LSMEM2: variants seen among roughly 807,000 people sequenced by gnomAD.
LSMEM2 encodes the protein leucine-rich single-pass membrane protein 2.
LSMEM2 carries 20 observed loss-of-function variants against 17.3 expected under a neutral mutation model. The ratio of observed to expected loss-of-function variants is 1.16; its 90% CI spans 0.81 to 1.68. The LOEUF (loss-of-function observed/expected upper bound fraction) is 1.68, where lower values mean the gene tolerates loss of function less well. Ranked by LOEUF, LSMEM2 falls within the 40% of genes most tolerant of loss-of-function variation. The probability of loss-of-function intolerance (pLI) is 0.00; values close to 1 mark genes in which losing one functional copy is unlikely to be tolerated. For missense variants in LSMEM2, 207 were observed against 214.3 expected, an observed-to-expected ratio of 0.97 and a Z score of 0.21; for synonymous variants, 94 against 97.8, an observed-to-expected ratio of 0.96 and a Z score of 0.23.
At position 50,286,677 on chromosome 3, in the gene LSMEM2, G is replaced by A. The variant is rs1553708537; in HGVS notation, c.176G>A (p.Gly59Asp). The change falls in exon 3 of 4, where the codon GGC (glycine) becomes GAC (aspartate). Residue 59 changes from glycine to aspartate, a missense_variant. By Grantham distance (94) the Gly-to-Asp change is moderately conservative. Transcript: ENST00000316436. ...ESISDLHSGA[G>D]TLRPYLTEEA... ...TCCCAATGTCCCATCCACCCAGCAG[G>A]CACACTGCGCCCCTATCTAACTGAA... 1 of 1,613,312 alleles carries A rather than the reference G, an allele frequency of 6.2e-7. No individual in the cohort carries two copies. Among genetic ancestry groups the A allele is most frequent in the Non-Finnish European group, 8.5e-7 (1 of 1,179,456 alleles).
At chr3:50,277,948 C>T (rs587645534), upstream of LSMEM2, among the ~76,000 whole-genome samples, 2 of 152,354 alleles carry the variant, frequency 1.3e-5, no homozygotes, top group Admixed American at 6.5e-5. Flanking sequence ...GCCTGGGCAA[C>T]AGAGCGAGAC....
At chr3:50,280,884 C>T (rs112911401) in intron 1 of LSMEM2, among the ~76,000 whole-genome samples, 6,171 of 151,646 alleles carry the variant, frequency 0.041, 173 homozygotes, top group Non-Finnish European at 0.062. Context: ...TGAGCTACCG[C>T]GCCCGGCCAG....
rs587669864 is a variant in LSMEM2 at position 50,282,094 on chromosome 3, C to T, written c.58+2923C>T. Among the ~76,000 whole-genome samples, 3 of 152,000 alleles carry T rather than the reference C, an allele frequency of 2.0e-5. No homozygotes were observed. In the East Asian group the frequency reaches 5.8e-4, roughly 29 times the overall value. On this transcript the variant is annotated intron_variant, in intron 1 of 3. Transcript: ENST00000316436. ...ATCTTGAACTCCTGACCTCGTGATC[C>T]GCCCACCTCAGCCTCCCAAAGTGCT...
In LSMEM2 at chr3:50,287,350, T is replaced by C. The variant is rs974400527; in HGVS notation, c.*148T>C. 6 of 1,059,972 alleles carry C rather than the reference T, an allele frequency of 5.7e-6. No individual in the cohort carries two copies. In the Admixed American group the frequency reaches 6.5e-5, roughly 12 times the overall value. The allele number at this position is 1,059,972 out of a possible 1,614,324, so 65.7% of individuals were successfully genotyped here. ...GTACAAGAACCTGTTGTTAACTTAA[T>C]GGCTGCCTCCCTCTCCTGATCTCTT... On this transcript the variant is annotated 3_prime_UTR_variant, in exon 4 of 4. Coordinates refer to ENST00000316436, the MANE Select transcript of LSMEM2 (RefSeq NM_153215.3).
rs1553708768 is a variant in LSMEM2 at position 50,287,328 on chromosome 3, C to G, written c.*126C>G. ...CTATTTCCTTGGTGAGATTTTTGTA[C>G]AAGAACCTGTTGTTAACTTAATGGC... is the stretch of plus-strand genomic sequence containing the variant. On this transcript the variant is annotated 3_prime_UTR_variant, in exon 4 of 4. Transcript: ENST00000316436. 4 of 1,299,996 alleles carry G rather than the reference C, an allele frequency of 3.1e-6. No individual in the cohort carries two copies. The highest frequency in any genetic ancestry group is 4.0e-5 in the Admixed American group (2 of 50,312). 80.5% of individuals were successfully genotyped at this position (1,299,996 alleles called of 1,614,324 possible). A position where few individuals can be genotyped will look rare whatever the true frequency, so the allele number is the denominator to read the frequency against.
rs782013539 is a variant in LSMEM2 at position 50,283,903 on chromosome 3, G to T, written c.59-2568G>T. Among the ~76,000 whole-genome samples the T allele has an allele frequency of 2.6e-4, 39 of 152,148 alleles. 1 individual carries two copies. The highest frequency in any genetic ancestry group is 3.8e-4 in the Non-Finnish European group (26 of 68,020). On this transcript the variant is annotated intron_variant, in intron 1 of 3. Transcript: ENST00000316436. ...ACTAAATGGGCAGAGGCTTCAAATT[G>T]ATAATTAAGAAGCCACACACAGCTG...
chr3:50,287,918 A>AGGCCCCCTAGTGCC lies in LSMEM2; in HGVS notation c.*717_*730dup. On this transcript the variant is annotated 3_prime_UTR_variant, in exon 4 of 4. Coordinates refer to ENST00000316436, the MANE Select transcript of LSMEM2 (RefSeq NM_153215.3). ...GGCCTGAGAAAGGAAAGGAAGGGAA[A>AGGCCCCCTAGTGCC]GGCCCCCTAGTGCCTGCCCCACAGC... The AGGCCCCCTAGTGCC allele has an allele frequency of 2.3e-6, 1 of 438,892 alleles. No individual in the cohort carries two copies. The highest frequency in any genetic ancestry group is 4.2e-6 in the Non-Finnish European group (1 of 240,588). The allele number at this position is 438,892 out of a possible 1,614,324, so 27.2% of individuals were successfully genotyped here.
chr3:50,280,392 TG>T (rs1204604048), intron 1 of LSMEM2, among the ~76,000 whole-genome samples: 1 of 152,070 alleles, frequency 6.6e-6, no homozygotes, highest in African/African-American at 2.4e-5. Flanking sequence ...TGACCTCAGG[TG>T]ATCCACCCAC....
In LSMEM2 at chr3:50,287,936, C is replaced by G; in HGVS notation, c.*734C>G. The G allele has an allele frequency of 2.1e-6, 1 of 485,510 alleles. No individual in the cohort carries two copies. Among genetic ancestry groups the G allele is most frequent in the Non-Finnish European group, 3.7e-6 (1 of 268,588 alleles). The allele number at this position is 485,510 out of a possible 1,614,324, so 30.1% of individuals were successfully genotyped here. A position where few individuals can be genotyped will look rare whatever the true frequency, so the allele number is the denominator to read the frequency against. On this transcript the variant is annotated 3_prime_UTR_variant, in exon 4 of 4. Transcript: ENST00000316436. ...AAGGGAAAGGCCCCCTAGTGCCTGC[C>G]CCACAGCCCTGAGGAAGGCACATAT...
chr3:50,278,413 T>C (rs1701321914), upstream of LSMEM2, among the ~76,000 whole-genome samples: 1 of 152,208 alleles, frequency 6.6e-6, no homozygotes, highest in Admixed American at 6.5e-5. Flanking sequence ...CTCCAGATGT[T>C]GTTCTCAGTG....
chr3:50,283,354 G>A (rs926439238), intron 1 of LSMEM2, among the ~76,000 whole-genome samples: 10 of 151,884 alleles, frequency 6.6e-5, no homozygotes, highest in Non-Finnish European at 1.0e-4. Context: ...TTGGCCGGGC[G>A]CGGTGGTTCA....
rs1701576857 is a variant in LSMEM2, at chr3:50,287,437, G to A, written c.*235G>A. 1.7e-6 allele frequency: 1 copy of A among 591,604 alleles called. No homozygotes were observed. The highest frequency in any genetic ancestry group is 2.0e-5 in the South Asian group (1 of 49,650). 36.6% of individuals were successfully genotyped at this position (591,604 alleles called of 1,614,324 possible). ...TCGCTTTGGGTGGCCCAAGGTCAGGGGAAGGGGCACCAGCCTCCTGGCTCC... is the reference window on the plus strand; with the variant it reads ...TCGCTTTGGGTGGCCCAAGGTCAGGAGAAGGGGCACCAGCCTCCTGGCTCC... On this transcript the variant is annotated 3_prime_UTR_variant, in exon 4 of 4. Transcript: ENST00000316436.
At position 50,287,273 on chromosome 3, in the gene LSMEM2, C is replaced by T. The variant is rs1345741994; in HGVS notation, c.*71C>T. On this transcript the variant is annotated 3_prime_UTR_variant, in exon 4 of 4. Transcript: ENST00000316436. ...ATAAAGTGGCTATGGGCAGGTCTCT[C>T]CTTCCCTACTGCTGGCTGCCACATC... The T allele has an allele frequency of 6.4e-6, 10 of 1,556,390 alleles. No homozygotes were observed. The highest frequency in any genetic ancestry group is 2.3e-5 in the South Asian group (2 of 85,544).
intron 1 of LSMEM2, 37 bp from the exon 2 acceptor site, chr3:50,286,434 C>T (rs781850035): frequency 6.4e-6 from 10 of 1,554,334 alleles, no homozygotes; most frequent in African/African-American, 1.4e-5. Context: ...GGGGGTTGAC[C>T]CACCACTGGC....
rs587769415 is a variant in LSMEM2, at chr3:50,287,240, G to C, written c.*38G>C. The C allele has an allele frequency of 1.1e-5, 17 of 1,609,354 alleles. No individual in the cohort carries two copies. The highest frequency in any genetic ancestry group is 8.4e-5 in the Admixed American group (5 of 59,680). ...ATCTGGGGCCTGGGGGTGTGTGTTG[G>C]TGGGGGAATAAAGTGGCTATGGGCA... On this transcript the variant is annotated 3_prime_UTR_variant, in exon 4 of 4. Transcript: ENST00000316436.
chr3:50,279,284 C>A, intron 1 of LSMEM2, 113 bp downstream of exon 1: 1 of 962,062 alleles, frequency 1.0e-6, no homozygotes, highest in Non-Finnish European at 1.6e-6. Flanking sequence ...AGTTAGTTAC[C>A]CATTTTCATG....
At chr3:50,283,311 G>C (rs917253764) in intron 1 of LSMEM2, among the ~76,000 whole-genome samples, 5 of 152,036 alleles carry the variant, frequency 3.3e-5, no homozygotes, top group African/African-American at 1.2e-4. Flanking sequence ...GGCCAAGAAG[G>C]TGAAACCCCA....
intron 1 of LSMEM2, among the ~76,000 whole-genome samples, chr3:50,283,794 C>A (rs1337806873): frequency 1.3e-5 from 2 of 151,870 alleles, no homozygotes; most frequent in African/African-American, 4.8e-5. Context: ...GACTCTGTCT[C>A]AAACAAACAA....
At chr3:50,279,063 C>T, upstream of LSMEM2, 1 of 1,597,656 alleles carries the variant, frequency 6.3e-7, no homozygotes, top group South Asian at 1.1e-5. Context: ...GCCAGGCCTT[C>T]CCTGGGCTCA....
Sources: gnomAD v4.1 joint callset for allele counts (sites outside exome capture counted in the v4.1 genomes callset) on GRCh38, gnomAD v4.1.1 for gene constraint, MANE v1.5 for transcripts, NCBI Gene and HGNC (gene_info 2026-07-23, HGNC 2026-07-21) for gene names.